Variants in GPM6A observed in about 807,000 individuals in gnomAD.
GPM6A encodes the protein neuronal membrane glycoprotein M6-a.
GPM6A carries 7 observed loss-of-function variants against 32.1 expected under a neutral mutation model. The observed-to-expected ratio is 0.22, with a 90% CI of 0.12 to 0.41. The LOEUF (loss-of-function observed/expected upper bound fraction) is 0.41. GPM6A is among the 10% of genes least tolerant of loss of function. GPM6A has a pLI of 1.00. For synonymous variants in GPM6A, 130 were observed against 123.4 expected (o/e 1.05, Z -0.35); for missense variants, 235 against 347.2 (o/e 0.68, Z 2.57).
intron 4 of GPM6A, 52 bp downstream of exon 4, chr4:175,651,782 T>C: frequency 7.1e-7 from 1 of 1,404,550 alleles, no homozygotes; most frequent in Non-Finnish European, 9.9e-7. Context: ...GCTATGTAGG[T>C]AACACAATAT....
chr4:175,876,268 T>A (rs930584743), intron 1 of GPM6A, among the ~76,000 whole-genome samples: 5 of 152,138 alleles, frequency 3.3e-5, no homozygotes, highest in Admixed American at 3.3e-4. Flanking sequence ...AAGTAGCTCA[T>A]ATTAGATTTC....
chr4:175,824,080 C>G (rs1735358281), intron 1 of GPM6A, among the ~76,000 whole-genome samples: 1 of 152,152 alleles, frequency 6.6e-6, no homozygotes, highest in Admixed American at 6.5e-5. Flanking sequence ...AAGGAGAAAA[C>G]AAATAGGCCC....
At chr4:175,742,705 A>G (rs904644862) in intron 1 of GPM6A, among the ~76,000 whole-genome samples, 6 of 152,208 alleles carry the variant, frequency 3.9e-5, no homozygotes, top group Non-Finnish European at 8.8e-5. Context: ...GCTATATACT[A>G]GAACATACAC....
At chr4:175,948,958 AGTGTGTGTGTGTGTGTGT>A (rs34417872) in intron 1 of GPM6A, among the ~76,000 whole-genome samples, 9,555 of 144,790 alleles carry the variant, frequency 0.066, 854 homozygotes, top group African/African-American at 0.21. Flanking sequence ...TTTGGTGGTA[AGTGTGTGTGTGTGTGTGT>A]GTGTGTGTGT....
intron 1 of GPM6A, among the ~76,000 whole-genome samples, chr4:175,926,356 T>C (rs531335530): frequency 1.8e-4 from 28 of 152,240 alleles, no homozygotes; most frequent in African/African-American, 6.0e-4. Context: ...ATCAAGGAAA[T>C]TGGAAGATCA....
intron 4 of GPM6A, among the ~76,000 whole-genome samples, chr4:175,645,342 T>A (rs981819850): frequency 6.6e-6 from 1 of 152,222 alleles, no homozygotes; most frequent in Non-Finnish European, 1.5e-5. Context: ...ACACGGTTCC[T>A]ATGACTTTCA....
intron 3 of GPM6A, among the ~76,000 whole-genome samples, chr4:175,652,299 T>G (rs1397124182): frequency 6.6e-6 from 1 of 152,186 alleles, no homozygotes; most frequent in Non-Finnish European, 1.5e-5. Context: ...TTTTTTAAAC[T>G]TTAGAAAATA....
intron 1 of GPM6A, among the ~76,000 whole-genome samples, chr4:175,810,757 G>T (rs969378095): frequency 1.3e-5 from 2 of 152,052 alleles, no homozygotes; most frequent in African/African-American, 4.8e-5. Context: ...TTGTCATAAG[G>T]TAATTTATTC....
At chr4:175,882,655 T>C (rs2065978791) in intron 1 of GPM6A, among the ~76,000 whole-genome samples, 1 of 151,918 alleles carries the variant, frequency 6.6e-6, no homozygotes, top group Non-Finnish European at 1.5e-5. Flanking sequence ...AAAATATTCA[T>C]ATATATATAG....
chr4:175,668,377 T>TCCTACACCC (rs755407136), intron 3 of GPM6A, among the ~76,000 whole-genome samples: 5 of 151,792 alleles, frequency 3.3e-5, no homozygotes, highest in Admixed American at 6.6e-5. Context: ...AGTCTACACC[T>TCCTACACCC]CCTACACCCC....
At chr4:175,814,233 A>G (rs2111337168), upstream of GPM6A, among the ~76,000 whole-genome samples, 1 of 152,370 alleles carries the variant, frequency 6.6e-6, no homozygotes, top group Middle Eastern at 3.4e-3. Context: ...ATGATTACAT[A>G]CATTAACCCG....
chr4:175,727,596 T>C (rs1044906530), intron 1 of GPM6A, among the ~76,000 whole-genome samples: 4 of 152,224 alleles, frequency 2.6e-5, no homozygotes, highest in Admixed American at 6.5e-5. Context: ...TGATTTGCCA[T>C]GGATTTGTGT....
At chr4:175,969,831 A>G (rs1740446933) in intron 1 of GPM6A, among the ~76,000 whole-genome samples, 1 of 152,214 alleles carries the variant, frequency 6.6e-6, no homozygotes, top group Non-Finnish European at 1.5e-5. Context: ...ATGCAGGGTA[A>G]ATAGAACTCT....
intron 4 of GPM6A, among the ~76,000 whole-genome samples, chr4:175,642,411 T>C (rs916990585): frequency 6.6e-6 from 1 of 152,196 alleles, no homozygotes; most frequent in Non-Finnish European, 1.5e-5. Context: ...CTAACCTCAC[T>C]GTAATTCCTT....
At position 175,772,866 on chromosome 4, in the gene GPM6A, G is replaced by A. The variant is rs1272330280; in HGVS notation, c.37+39325C>T. ...TCTAGTATTTAGAAATCAAATGGAA[G>A]CAGGGCAAGTCCAATCAATATAAAG... On this transcript the variant is annotated intron_variant, in intron 1 of 6. Transcript: ENST00000393658. Among the ~76,000 whole-genome samples, 4 of 152,148 alleles carry A rather than the reference G, an allele frequency of 2.6e-5. No individual in the cohort carries two copies. The East Asian group carries it at 5.8e-4, about 22-fold the overall frequency.
chr4:175,903,284 TG>T (rs1738025816), intron 1 of GPM6A, among the ~76,000 whole-genome samples: 1 of 73,892 alleles, frequency 1.4e-5, no homozygotes, highest in South Asian at 4.2e-4. Context: ...TGTAATTCAT[TG>T]AAAAAAAAAG....
chr4:175,962,095 C>G (rs1740184530), intron 1 of GPM6A: 4 of 746,428 alleles, frequency 5.4e-6, no homozygotes. Context: ...TTTGGCCCTA[C>G]AATAGTAGCC....
At chr4:175,985,999 T>G (rs1740962310) in intron 1 of GPM6A, among the ~76,000 whole-genome samples, 1 of 151,938 alleles carries the variant, frequency 6.6e-6, no homozygotes, top group Non-Finnish European at 1.5e-5. Flanking sequence ...AGAGATAGGG[T>G]TTCACCATGT....
At chr4:175,896,656 T>G (rs760058447) in intron 1 of GPM6A, among the ~76,000 whole-genome samples, 36 of 152,194 alleles carry the variant, frequency 2.4e-4, no homozygotes, top group Non-Finnish European at 3.8e-4. Flanking sequence ...TTCTGTTTTC[T>G]GCCTTGCAAA....
Sources: allele counts gnomAD v4.1 joint callset (sites outside exome capture counted in the v4.1 genomes callset), GRCh38; gene constraint gnomAD v4.1.1; transcripts MANE v1.5; gene names NCBI Gene and HGNC (gene_info 2026-07-23, HGNC 2026-07-21).